JARID2: variants seen among roughly 807,000 people sequenced by gnomAD.
JARID2 encodes protein Jumonji.
In JARID2, 21 loss-of-function variants were observed where a neutral mutation model predicts 125.6. The ratio of observed to expected loss-of-function variants is 0.17; its 90% CI spans 0.12 to 0.24. The LOEUF (loss-of-function observed/expected upper bound fraction) is 0.24. Ranked by LOEUF, JARID2 falls within the 10% of genes least tolerant of loss-of-function variation. The pLI is 1.00. For synonymous variants in JARID2, 736 were observed against 661.6 expected (o/e 1.11, Z -1.73); for missense variants, 1,303 against 1,639.6 (o/e 0.79, Z 3.55).
At chr6:15,410,564 A>T (rs1239357907) in intron 3 of JARID2, among the ~76,000 whole-genome samples, 199 bp downstream of exon 3, 2 of 152,212 alleles carry the variant, frequency 1.3e-5, no homozygotes, top group Admixed American at 6.5e-5. Context: ...CGGGAAAAAA[A>T]AGTGCTCTGG....
At chr6:15,323,246 A>G (rs1432677949) in intron 1 of JARID2, among the ~76,000 whole-genome samples, 1 of 152,214 alleles carries the variant, frequency 6.6e-6, no homozygotes, top group Non-Finnish European at 1.5e-5. Flanking sequence ...TTCTCTATCC[A>G]TTAAGCATAT....
intron 3 of JARID2, among the ~76,000 whole-genome samples, chr6:15,429,457 G>A (rs1183335958): frequency 2.0e-5 from 3 of 151,972 alleles, no homozygotes; most frequent in African/African-American, 7.3e-5. Context: ...GTAGAGGTTG[G>A]GTCTCAGTGT....
intron 1 of JARID2, among the ~76,000 whole-genome samples, chr6:15,356,426 T>G (rs993237159): frequency 4.6e-5 from 7 of 151,858 alleles, no homozygotes; most frequent in Admixed American, 4.6e-4. Flanking sequence ...TTTTTCTTTT[T>G]GTTTTTATTA....
At chr6:15,426,932 G>A (rs192846751) in intron 3 of JARID2, among the ~76,000 whole-genome samples, 1 of 152,266 alleles carries the variant, frequency 6.6e-6, no homozygotes, top group East Asian at 1.9e-4. Context: ...TGAGTAATGG[G>A]GGGTACATCA....
At chr6:15,418,115 G>A (rs775191054) in intron 3 of JARID2, among the ~76,000 whole-genome samples, 5 of 152,082 alleles carry the variant, frequency 3.3e-5, no homozygotes, top group Non-Finnish European at 7.4e-5. Context: ...GGGGTGAGGA[G>A]ATTCCATCGT....
At position 15,487,461 on chromosome 6, in the gene JARID2, C is replaced by T. The variant is rs267600874; in HGVS notation, c.825C>T (p.Ser275=). 3 of 1,614,244 alleles carry T rather than the reference C, an allele frequency of 1.9e-6. No individual in the cohort carries two copies. Among genetic ancestry groups the T allele is most frequent in the Non-Finnish European group, 2.5e-6 (3 of 1,180,046 alleles). Residue 275 remains serine (S), a synonymous_variant, in exon 6 of 18, where the codon TCC becomes TCT. Coordinates refer to ENST00000341776, the MANE Select transcript of JARID2 (RefSeq NM_004973.4). Reference sequence around the variant, plus strand: ...CTAACCACCCCGCAGCGGCCCCCTCCACGGGTTCCTCGGCCAAGGGGCTTG... The same window carrying T: ...CTAACCACCCCGCAGCGGCCCCCTCTACGGGTTCCTCGGCCAAGGGGCTTG... ...ASANHPAAAP[S]TGSSAKGLAA...
intron 5 of JARID2, among the ~76,000 whole-genome samples, chr6:15,485,359 A>G (rs1322384724): frequency 6.6e-6 from 1 of 152,202 alleles, no homozygotes; most frequent in Non-Finnish European, 1.5e-5. Context: ...ATTAGAAGGA[A>G]ACTTAGAAGA....
At chr6:15,361,624 T>C (rs1407427245) in intron 1 of JARID2, among the ~76,000 whole-genome samples, 1 of 152,184 alleles carries the variant, frequency 6.6e-6, no homozygotes, top group East Asian at 1.9e-4. Flanking sequence ...ACCACCTTTT[T>C]TTTTGGCGGG....
intron 3 of JARID2, among the ~76,000 whole-genome samples, chr6:15,437,440 G>GA (rs1328814722): frequency 6.6e-6 from 1 of 152,130 alleles, no homozygotes; most frequent in Non-Finnish European, 1.5e-5. Context: ...TTACATTGTG[G>GA]AAGTCCTCCC....
chr6:15,384,680 C>T (rs1209700754), intron 2 of JARID2, among the ~76,000 whole-genome samples: 1 of 152,096 alleles, frequency 6.6e-6, no homozygotes, highest in Non-Finnish European at 1.5e-5. Context: ...AGCCTGGGCT[C>T]CTTCCCCATT....
chr6:15,308,948 C>A (rs188768379), intron 1 of JARID2, among the ~76,000 whole-genome samples: 3 of 152,306 alleles, frequency 2.0e-5, no homozygotes, highest in South Asian at 4.1e-4. Context: ...GGGTGGAAAT[C>A]GTAGTAGTTG....
chr6:15,514,911 A>C (rs902823654), intron 16 of JARID2, among the ~76,000 whole-genome samples: 1 of 152,200 alleles, frequency 6.6e-6, no homozygotes, highest in Non-Finnish European at 1.5e-5. Context: ...TTTTTCCCCC[A>C]GACTTCTCAA....
At chr6:15,470,398 C>G (rs1316425606) in intron 5 of JARID2, among the ~76,000 whole-genome samples, 1 of 152,152 alleles carries the variant, frequency 6.6e-6, no homozygotes, top group Non-Finnish European at 1.5e-5. Context: ...TCATTTTTCT[C>G]CTTGGTGCCT....
At chr6:15,356,055 CG>C (rs1763589708) in intron 1 of JARID2, among the ~76,000 whole-genome samples, 2 of 152,170 alleles carry the variant, frequency 1.3e-5, no homozygotes. Context: ...CTGGAGACTT[CG>C]TAGCAATGGA....
chr6:15,305,816 A>T (rs1761800857), intron 1 of JARID2, among the ~76,000 whole-genome samples: 2 of 152,202 alleles, frequency 1.3e-5, no homozygotes, highest in South Asian at 2.1e-4. Context: ...AACTGTTTAA[A>T]TAAAGTCCTG....
chr6:15,390,072 CCA>C (rs1354308342), intron 2 of JARID2, among the ~76,000 whole-genome samples: 1 of 152,186 alleles, frequency 6.6e-6, no homozygotes, highest in Non-Finnish European at 1.5e-5. Flanking sequence ...TAAGGAAAGT[CCA>C]CTTTTTTCAC....
intron 2 of JARID2, among the ~76,000 whole-genome samples, chr6:15,398,285 C>CT (rs1404517610): frequency 1.3e-5 from 2 of 152,162 alleles, no homozygotes; most frequent in Non-Finnish European, 2.9e-5. Context: ...ATGACTTGCT[C>CT]TGATATTTCA....
At chr6:15,409,201 C>A (rs1002507845) in intron 2 of JARID2, among the ~76,000 whole-genome samples, 1 of 152,102 alleles carries the variant, frequency 6.6e-6, no homozygotes, top group African/African-American at 2.4e-5. Flanking sequence ...ATACTTCAGT[C>A]ACAAAGACTT....
At chr6:15,516,628 C>G (rs1399933163) in intron 16 of JARID2, among the ~76,000 whole-genome samples, 2 of 152,228 alleles carry the variant, frequency 1.3e-5, no homozygotes, top group East Asian at 3.9e-4. Context: ...ACGCCGCTTG[C>G]TCTGTTGACT....
Sources: gnomAD v4.1 joint callset for allele counts (sites outside exome capture counted in the v4.1 genomes callset) on GRCh38, gnomAD v4.1.1 for gene constraint, MANE v1.5 for transcripts, NCBI Gene and HGNC (gene_info 2026-07-23, HGNC 2026-07-21) for gene names.